The following STOM variants were observed in gnomAD, a reference collection of about 807,000 sequenced individuals.
STOM encodes the protein erythrocyte band 7 integral membrane protein.
Under a neutral mutation model 30.6 loss-of-function variants are expected in STOM, and 25 were observed. That is an observed-to-expected ratio of 0.82 (90% CI 0.60 to 1.14). The LOEUF is 1.14. STOM is among the 50% of genes most tolerant of loss of function. The pLI, the probability that STOM is intolerant of heterozygous loss-of-function variation, is 0.00. For missense variants in STOM, 292 were observed against 365.2 expected, an observed-to-expected ratio of 0.80 and a Z score of 1.63; for synonymous variants, 118 against 130.8, an observed-to-expected ratio of 0.90 and a Z score of 0.67.
At chr9:121,349,510 T>C (rs1227324795) in intron 4 of STOM, among the ~76,000 whole-genome samples, 187 bp from the exon 5 acceptor site, 1 of 152,194 alleles carries the variant, frequency 6.6e-6, no homozygotes. Context: ...CATTCAATCA[T>C]ACAAATAATA....
At chr9:121,363,660 AAAAT>A (rs1034929773) in intron 1 of STOM, among the ~76,000 whole-genome samples, 2 of 152,232 alleles carry the variant, frequency 1.3e-5, no homozygotes, top group African/African-American at 4.8e-5. Context: ...AAATCATTTA[AAAAT>A]ATAAGAGCTA....
chr9:121,340,649 C>A lies in STOM; in HGVS notation c.*553G>T, dbSNP rs543962828. 5.3e-5 allele frequency: 38 copies of A among 713,394 alleles called. No individual in the cohort carries two copies. Among genetic ancestry groups the A allele is most frequent in the Non-Finnish European group, 6.5e-5 (38 of 582,260 alleles). The allele number at this position is 713,394 out of a possible 1,614,324, so 44.2% of individuals were successfully genotyped here. A position where few individuals can be genotyped will look rare whatever the true frequency, so the allele number is the denominator to read the frequency against. ...CCTGTAATCCCAGCTACTGGGGAGGCTGAGGCAGGAGAATCTCTTGAACCC... is the reference window on the plus strand; with the variant it reads ...CCTGTAATCCCAGCTACTGGGGAGGATGAGGCAGGAGAATCTCTTGAACCC... On this transcript the variant is annotated 3_prime_UTR_variant, in exon 7 of 7. Coordinates refer to ENST00000286713, the MANE Select transcript of STOM (RefSeq NM_004099.6).
chr9:121,353,089 A>G, intron 4 of STOM, 131 bp downstream of exon 4: 1 of 423,310 alleles, frequency 2.4e-6, no homozygotes, highest in Non-Finnish European at 4.0e-6. Context: ...CAAGATTCCA[A>G]TTAAAACAAA....
At chr9:121,366,090 C>T (rs2064500443) in intron 1 of STOM, 1 of 983,208 alleles carries the variant, frequency 1.0e-6, no homozygotes, top group Non-Finnish European at 1.2e-6. Flanking sequence ...ATTCCACTCT[C>T]ATTTCACTAT....
At chr9:121,344,925 C>A (rs2064276721) in intron 6 of STOM, among the ~76,000 whole-genome samples, 1 of 152,202 alleles carries the variant, frequency 6.6e-6, no homozygotes, top group African/African-American at 2.4e-5. Flanking sequence ...ACTTTAAAAA[C>A]CAAACCTAAC....
intron 1 of STOM, among the ~76,000 whole-genome samples, chr9:121,368,149 A>G (rs2064523637): frequency 6.6e-6 from 1 of 152,224 alleles, no homozygotes; most frequent in African/African-American, 2.4e-5. Context: ...TTTACATTAA[A>G]AAAACACAGA....
intron 4 of STOM, 120 bp downstream of exon 4, chr9:121,353,100 C>T (rs530426539): frequency 2.2e-6 from 1 of 456,228 alleles, no homozygotes; most frequent in East Asian, 4.1e-5. Context: ...TTAAAACAAA[C>T]AAACAAACAA....
At chr9:121,355,975 T>C (rs58052380) in intron 2 of STOM, 78 bp downstream of exon 2, 62,786 of 1,010,364 alleles carry the variant, frequency 0.062, 3,478 homozygotes, top group African/African-American at 0.23. Flanking sequence ...CTTTCTCACA[T>C]ACACACAGGC....
At position 121,339,702 on chromosome 9, in the gene STOM, C is replaced by A. The variant is rs991988448; in HGVS notation, c.*1500G>T. The A allele has an allele frequency of 4.9e-6, 6 of 1,231,348 alleles. No individual in the cohort carries two copies. The African/African-American group carries it at 9.3e-5, about 19-fold the overall frequency. 76.3% of individuals were successfully genotyped at this position (1,231,348 alleles called of 1,614,324 possible). On this transcript the variant is annotated 3_prime_UTR_variant, in exon 7 of 7. Transcript: ENST00000286713. ...AGCAGAATGCCAGGTTGCTCAGATT[C>A]ACAGACATTTGCAAAACAGAAGATG...
chr9:121,369,775 G>C, intron 1 of STOM: 1 of 283,132 alleles, frequency 3.5e-6, no homozygotes, highest in South Asian at 1.0e-4. Context: ...TGAGATGTGG[G>C]GTCCCGGTCC....
intron 2 of STOM, 123 bp downstream of exon 2, chr9:121,355,930 A>C: frequency 3.2e-6 from 2 of 631,230 alleles, no homozygotes; most frequent in Non-Finnish European, 2.5e-6. Context: ...AAAGATGAAG[A>C]AATAAGAATT....
At chr9:121,351,050 C>T (rs1225679705) in intron 4 of STOM, among the ~76,000 whole-genome samples, 2 of 152,184 alleles carry the variant, frequency 1.3e-5, no homozygotes, top group Non-Finnish European at 2.9e-5. Context: ...TTATCATCGG[C>T]AAGGGTTTAT....
At chr9:121,366,105 T>C in intron 1 of STOM, 1 of 984,990 alleles carries the variant, frequency 1.0e-6, no homozygotes. Context: ...CACTATATTC[T>C]ACTACCTTAC....
At chr9:121,367,630 T>C (rs386443) in intron 1 of STOM, among the ~76,000 whole-genome samples, 65,220 of 151,862 alleles carry the variant, frequency 0.43, 14,532 homozygotes, top group African/African-American at 0.54. Flanking sequence ...AGTGAATGCA[T>C]CGCCTTTAAG....
At chr9:121,347,382 G>A (rs1432880088) in intron 6 of STOM, among the ~76,000 whole-genome samples, 1 of 152,178 alleles carries the variant, frequency 6.6e-6, no homozygotes, top group Admixed American at 6.5e-5. Flanking sequence ...TCCCAGAGGG[G>A]CCATGCCACC....
At chr9:121,365,757 G>A (rs1016272758) in intron 1 of STOM, among the ~76,000 whole-genome samples, 2 of 152,154 alleles carry the variant, frequency 1.3e-5, no homozygotes, top group African/African-American at 2.4e-5. Flanking sequence ...CTCAGTTGTT[G>A]TGGAGATAAA....
intron 1 of STOM, among the ~76,000 whole-genome samples, chr9:121,362,903 A>C (rs966630371): frequency 1.3e-5 from 2 of 152,236 alleles, no homozygotes; most frequent in African/African-American, 4.8e-5. Context: ...ATGACAACAC[A>C]GGCTGATTAG....
intron 6 of STOM, among the ~76,000 whole-genome samples, chr9:121,347,753 A>G (rs111370529): frequency 5.9e-5 from 9 of 152,348 alleles, no homozygotes; most frequent in African/African-American, 2.2e-4. Flanking sequence ...GCAGAACAAC[A>G]TGTGCAGTAT....
At position 121,354,583 on chromosome 9, in the gene STOM, T is replaced by C. The variant is rs2064368317; in HGVS notation, c.238+18A>G. ...AACTTTAGTTTTCAGATAAACAATC[T>C]AGAATCCCAGTACTGACCAGGTCCT... On this transcript the variant is annotated intron_variant, in intron 3 of 6. Coordinates refer to ENST00000286713, the MANE Select transcript of STOM (RefSeq NM_004099.6). 1 of 1,563,850 alleles carries C rather than the reference T, an allele frequency of 6.4e-7. No homozygotes were observed.
Sources: gnomAD v4.1 joint callset for allele counts (sites outside exome capture counted in the v4.1 genomes callset) on GRCh38, gnomAD v4.1.1 for gene constraint, MANE v1.5 for transcripts, NCBI Gene and HGNC (gene_info 2026-07-23, HGNC 2026-07-21) for gene names.